EPS8: variants seen among roughly 807,000 people sequenced by gnomAD.
EPS8 encodes the protein epidermal growth factor receptor kinase substrate 8.
A neutral mutation model predicts 103.8 loss-of-function variants in EPS8; 42 were observed. The ratio of observed to expected loss-of-function variants is 0.40; its 90% CI spans 0.32 to 0.52. The LOEUF is 0.52. Among genes scored for constraint, EPS8 ranks in the 20% least tolerant of loss-of-function variants. EPS8 has a pLI of 0.40. For missense variants in EPS8, 969 were observed against 1,005.1 expected (o/e 0.96, Z 0.49); for synonymous variants, 344 against 344.6 (o/e 1.00, Z 0.02).
At chr12:15,718,135 G>A (rs1386464255) in intron 1 of EPS8, among the ~76,000 whole-genome samples, 5 of 152,182 alleles carry the variant, frequency 3.3e-5, no homozygotes, top group African/African-American at 1.2e-4. Flanking sequence ...AACCTTTGGT[G>A]AGTAACTTAA....
Position 15,698,162 on chromosome 12 carries a change from A to C in EPS8, c.-21-15190T>G, listed in dbSNP as rs1486498082. On this transcript the variant is annotated intron_variant, in intron 1 of 20. Coordinates refer to ENST00000281172, the MANE Select transcript of EPS8 (RefSeq NM_004447.6). The surrounding 1 kb of genome is among the most constrained non-coding windows in gnomAD (Gnocchi z 4.9). ...ACTGTTTAATAAAGGAAAAATGGAA[A>C]AACTCTACAATTTTCTAAAATATTT... Among the ~76,000 whole-genome samples, 1 of 152,230 alleles carries C rather than the reference A, an allele frequency of 6.6e-6. No individual in the cohort carries two copies. Among genetic ancestry groups the C allele is most frequent in the Non-Finnish European group, 1.5e-5 (1 of 68,046 alleles).
chr12:15,625,342 T>G (rs1944927572), intron 18 of EPS8, among the ~76,000 whole-genome samples: 1 of 152,212 alleles, frequency 6.6e-6, no homozygotes, highest in Admixed American at 6.5e-5. Context: ...TTTTCCTTCT[T>G]CACTGAATCA....
chr12:15,775,959 A>G (rs1239267156), intron 1 of EPS8, among the ~76,000 whole-genome samples: 2 of 152,340 alleles, frequency 1.3e-5, no homozygotes, highest in East Asian at 3.9e-4. Context: ...CCTATCTCAT[A>G]TATGCGTATC....
At position 15,749,135 on chromosome 12, in the gene EPS8, T is replaced by C. The variant is rs1450563534; in HGVS notation, c.-22+40026A>G. On this transcript the variant is annotated intron_variant, in intron 1 of 20. Transcript: ENST00000281172. This position sits in a 1 kb window ranked among gnomAD's most constrained non-coding sequence, Gnocchi z 4.0. ...CTTAATTTGTCATAAAATGTATTGA[T>C]TACCTGACTATTTAAGATTATGCCT... 1.3e-5 allele frequency among the ~76,000 whole-genome samples: 2 copies of C among 152,136 alleles called. No homozygotes were observed. The highest frequency in any genetic ancestry group is 1.5e-5 in the Non-Finnish European group (1 of 68,022).
rs1232726301 is a variant in EPS8 at position 15,669,444 on chromosome 12, G to A, written c.459C>T (p.Cys153=). The A allele has an allele frequency of 6.2e-7, 1 of 1,614,012 alleles. No individual in the cohort carries two copies. The highest frequency in any genetic ancestry group is 1.3e-5 in the African/African-American group (1 of 75,040). Residue 153 remains cysteine, a synonymous_variant, in exon 6 of 21, where the codon TGC becomes TGT. Coordinates refer to ENST00000281172, the MANE Select transcript of EPS8 (RefSeq NM_004447.6). The part of the protein sequence containing the change: ...CSYDSVLALV[C]KEPTQNKPDL... ...CTGGCTTGTTCTGGGTTGGCTCTTT[G>A]CACACCAGTGCAAGAACTGAATCAT...
intron 17 of EPS8, among the ~76,000 whole-genome samples, chr12:15,634,126 A>G (rs1945096184): frequency 1.3e-5 from 2 of 152,162 alleles, no homozygotes; most frequent in African/African-American, 4.8e-5. Context: ...AGAAATTCTG[A>G]CTAACTGTTC....
At position 15,747,500 on chromosome 12, in the gene EPS8, T is replaced by G. The variant is rs187179999; in HGVS notation, c.-22+41661A>C. ...GTAATCTTATAAGTTAAATTATTTT[T>G]GTGAACTGATAGAGAACCCCCAGTT... On this transcript the variant is annotated intron_variant, in intron 1 of 20. Transcript: ENST00000281172. This position sits in a 1 kb window ranked among gnomAD's most constrained non-coding sequence, Gnocchi z 4.4. 9.4e-4 allele frequency among the ~76,000 whole-genome samples: 143 copies of G among 152,296 alleles called. No homozygotes were observed. Among genetic ancestry groups the G allele is most frequent in the Admixed American group, 1.5e-3 (23 of 15,298 alleles).
At chr12:15,730,327 G>C (rs1179775166) in intron 1 of EPS8, among the ~76,000 whole-genome samples, 1 of 152,180 alleles carries the variant, frequency 6.6e-6, no homozygotes, top group Non-Finnish European at 1.5e-5. Context: ...TTAAGTGGCA[G>C]AGCCAGGTTT....
Position 15,736,334 on chromosome 12 carries a change from C to T in EPS8, c.-22+52827G>A, listed in dbSNP as rs374265903. On this transcript the variant is annotated intron_variant, in intron 1 of 20. Transcript: ENST00000281172. This position sits in a 1 kb window ranked among gnomAD's most constrained non-coding sequence, Gnocchi z 4.2. ...AAGGAGATCTGGATTTGAATTCCAA[C>T]GCCATAAGTTAACACTACGGAAATA... Among the ~76,000 whole-genome samples the T allele has an allele frequency of 5.3e-5, 8 of 152,128 alleles. No homozygotes were observed. Among genetic ancestry groups the T allele is most frequent in the African/African-American group, 7.2e-5 (3 of 41,416 alleles).
chr12:15,724,223 C>T (rs778931802), intron 1 of EPS8, among the ~76,000 whole-genome samples: 1 of 151,988 alleles, frequency 6.6e-6, no homozygotes, highest in Non-Finnish European at 1.5e-5. Flanking sequence ...CTTTCAAAGA[C>T]TTCAACATTA....
rs1312815590 is a variant in EPS8, at chr12:15,767,461, G to A, written c.-22+21700C>T. On this transcript the variant is annotated intron_variant, in intron 1 of 20. Transcript: ENST00000281172. This position sits in a 1 kb window ranked among gnomAD's most constrained non-coding sequence, Gnocchi z 5.5. ...GAAAAAAGCCGTTAAATGACACAGT[G>A]GCATAAAATGAAACCCTCCTCTAGG... is the stretch of plus-strand genomic sequence containing the variant. 6.6e-6 allele frequency among the ~76,000 whole-genome samples: 1 copy of A among 152,154 alleles called. No individual in the cohort carries two copies. Among genetic ancestry groups the A allele is most frequent in the Admixed American group, 6.5e-5 (1 of 15,268 alleles).
Position 15,662,100 on chromosome 12 carries a change from C to T in EPS8, c.737-1G>A, listed in dbSNP as rs865822996. On this transcript the variant is annotated splice_acceptor_variant, in intron 8 of 20. Transcript: ENST00000281172. LOFTEE classifies it high-confidence loss of function. Reference sequence around the variant, plus strand: ...TCATGATACTGCCTTGGTTTCTCAACTATAGAAAGGACAATCATAAGTCTT... The same window carrying T: ...TCATGATACTGCCTTGGTTTCTCAATTATAGAAAGGACAATCATAAGTCTT... 6.2e-7 allele frequency: 1 copy of T among 1,612,614 alleles called. No individual in the cohort carries two copies. Among genetic ancestry groups the T allele is most frequent in the Non-Finnish European group, 8.5e-7 (1 of 1,178,652 alleles).
intron 15 of EPS8, among the ~76,000 whole-genome samples, chr12:15,642,113 A>G (rs1945241847): frequency 1.3e-5 from 2 of 152,204 alleles, no homozygotes; most frequent in Middle Eastern, 3.4e-3. Flanking sequence ...TTTGTCTACT[A>G]AATACACATA....
At chr12:15,672,357 A>G in intron 3 of EPS8, 1 of 396,192 alleles carries the variant, frequency 2.5e-6, no homozygotes, top group Non-Finnish European at 4.5e-6. Context: ...CCTTGTATCA[A>G]TATTACTCTG....
chr12:15,639,308 T>C (rs947327112), intron 17 of EPS8, among the ~76,000 whole-genome samples: 3 of 152,066 alleles, frequency 2.0e-5, no homozygotes, highest in African/African-American at 7.2e-5. Flanking sequence ...GACAGAAGCA[T>C]ATATTATATT....
At chr12:15,659,486 G>C (rs1034283006) in intron 10 of EPS8, among the ~76,000 whole-genome samples, 4 of 152,130 alleles carry the variant, frequency 2.6e-5, no homozygotes, top group Non-Finnish European at 5.9e-5. Context: ...TTTGAATCTG[G>C]GTGATCAAGA....
intron 1 of EPS8, among the ~76,000 whole-genome samples, chr12:15,692,319 G>GTTTTTT (rs56016545): frequency 1.7e-5 from 2 of 120,290 alleles, no homozygotes; most frequent in African/African-American, 6.6e-5. Context: ...AAGAGGTTTG[G>GTTTTTT]TTTTTTTTTT....
In EPS8 at chr12:15,772,888, G is replaced by C. The variant is rs1947168937; in HGVS notation, c.-22+16273C>G. The stretch of plus-strand genomic sequence containing the variant: ...AAAAATTCATAGTGAACGAGACACA[G>C]TTTATGTCCTCAAAGAGTTTACAGG... On this transcript the variant is annotated intron_variant, in intron 1 of 20. Coordinates refer to ENST00000281172, the MANE Select transcript of EPS8 (RefSeq NM_004447.6). The surrounding 1 kb of genome is among the most constrained non-coding windows in gnomAD (Gnocchi z 5.0). Among the ~76,000 whole-genome samples, 1 of 152,164 alleles carries C rather than the reference G, an allele frequency of 6.6e-6. No homozygotes were observed. Among genetic ancestry groups the C allele is most frequent in the African/African-American group, 2.4e-5 (1 of 41,452 alleles).
chr12:15,690,424 C>T lies in EPS8; in HGVS notation c.-21-7452G>A, dbSNP rs1946155596. Among the ~76,000 whole-genome samples, 1 of 152,064 alleles carries T rather than the reference C, an allele frequency of 6.6e-6. No individual in the cohort carries two copies. The highest frequency in any genetic ancestry group is 2.4e-5 in the African/African-American group (1 of 41,438). On this transcript the variant is annotated intron_variant, in intron 1 of 20. Coordinates refer to ENST00000281172, the MANE Select transcript of EPS8 (RefSeq NM_004447.6). The surrounding 1 kb of genome is among the most constrained non-coding windows in gnomAD (Gnocchi z 4.7). ...GTGTATTATAATGCACATACTTACA[C>T]TACCCCCAAACTACTTCTCATATAT...
Sources: gnomAD v4.1 joint callset for allele counts (sites outside exome capture counted in the v4.1 genomes callset) on GRCh38, gnomAD v4.1.1 for gene constraint, Gnocchi (gnomAD v3.1) non-coding constraint, MANE v1.5 for transcripts, NCBI Gene and HGNC (gene_info 2026-07-23, HGNC 2026-07-21) for gene names.